Variants in RANBP17 observed in about 807,000 individuals in gnomAD.
RANBP17 encodes RAN binding protein 17, also known as ran-binding protein 17.
In RANBP17, 158 loss-of-function variants were observed where a neutral mutation model predicts 141.2. That is an observed-to-expected ratio of 1.12 (90% CI 0.98 to 1.28). The LOEUF (loss-of-function observed/expected upper bound fraction) is 1.28, where lower values mean the gene tolerates loss of function less well. Ranked by LOEUF, RANBP17 falls within the 50% of genes most tolerant of loss-of-function variation. RANBP17 has a pLI of 0.00. For missense variants in RANBP17, 1,438 were observed against 1,290.7 expected (o/e 1.11, Z -1.75); for synonymous variants, 430 against 450.0 (o/e 0.96, Z 0.56).
chr5:171,192,261 G>GC (rs778573669), intron 18 of RANBP17, among the ~76,000 whole-genome samples: 2 of 152,142 alleles, frequency 1.3e-5, no homozygotes, highest in African/African-American at 2.4e-5. Flanking sequence ...GGGTAAAGAA[G>GC]CAGCTGGAAA....
chr5:170,862,668 G>A (rs953823493), intron 1 of RANBP17, among the ~76,000 whole-genome samples: 10 of 152,166 alleles, frequency 6.6e-5, no homozygotes, highest in African/African-American at 2.2e-4. Context: ...GGCCGGGCGC[G>A]GGCGCGGGCG....
intron 5 of RANBP17, among the ~76,000 whole-genome samples, chr5:170,898,555 C>T (rs1770338203): frequency 6.6e-6 from 1 of 152,102 alleles, no homozygotes; most frequent in African/African-American, 2.4e-5. Context: ...TCAATTTTGG[C>T]TTTTGTTGCC....
intron 14 of RANBP17, among the ~76,000 whole-genome samples, chr5:171,082,110 G>A (rs1034944961): frequency 2.6e-5 from 4 of 152,086 alleles, no homozygotes; most frequent in African/African-American, 9.7e-5. Flanking sequence ...CCTTAAAGCA[G>A]ATATTTTTCT....
chr5:171,187,839 G>T (rs1761374306), intron 18 of RANBP17, among the ~76,000 whole-genome samples: 1 of 152,136 alleles, frequency 6.6e-6, no homozygotes, highest in Admixed American at 6.5e-5. Context: ...ACATGAGAGG[G>T]TTCAGTCAGT....
intron 12 of RANBP17, among the ~76,000 whole-genome samples, chr5:170,930,691 C>T (rs1248395929): frequency 6.6e-6 from 1 of 151,992 alleles, no homozygotes; most frequent in Non-Finnish European, 1.5e-5. Context: ...ATAGTTTGCT[C>T]AGAATGATGG....
At chr5:171,016,800 A>G (rs1477370806) in intron 14 of RANBP17, among the ~76,000 whole-genome samples, 3 of 151,514 alleles carry the variant, frequency 2.0e-5, no homozygotes, top group Non-Finnish European at 4.4e-5. Flanking sequence ...TAAAAAAAAA[A>G]GCGGGATACA....
chr5:171,105,734 A>T lies in RANBP17; in HGVS notation c.1711-64396A>T, dbSNP rs527586959. ...ACTTGTCTCAAAAAGAAAAAAAAAA[A>T]TTTATTCTATCTTATATCTTTGACT... On this transcript the variant is annotated intron_variant, in intron 14 of 27. Transcript: ENST00000523189. 2.8e-3 allele frequency among the ~76,000 whole-genome samples: 416 copies of T among 151,216 alleles called. 2 individuals carry two copies. Among genetic ancestry groups the T allele is most frequent in the African/African-American group, 8.9e-3 (369 of 41,240 alleles).
At chr5:171,092,481 G>A (rs1786369313) in intron 14 of RANBP17, among the ~76,000 whole-genome samples, 1 of 152,148 alleles carries the variant, frequency 6.6e-6, no homozygotes, top group Non-Finnish European at 1.5e-5. Flanking sequence ...AAGACAAAGA[G>A]GATCTACTGA....
At chr5:170,998,748 T>C (rs1431149403) in intron 14 of RANBP17, among the ~76,000 whole-genome samples, 1 of 152,156 alleles carries the variant, frequency 6.6e-6, no homozygotes. Context: ...AATTACAAAA[T>C]ACATATTAGA....
chr5:171,139,955 C>T (rs1389752375), intron 14 of RANBP17, among the ~76,000 whole-genome samples: 1 of 152,184 alleles, frequency 6.6e-6, no homozygotes, highest in Non-Finnish European at 1.5e-5. Context: ...TCTAGCCAGC[C>T]CACTGGTCTT....
chr5:171,254,246 C>CAA (rs36093805), intron 24 of RANBP17, among the ~76,000 whole-genome samples: 100 of 115,056 alleles, frequency 8.7e-4, no homozygotes, highest in East Asian at 8.3e-3. Flanking sequence ...GACTCTGTCT[C>CAA]AAAAAAAAAA....
intron 5 of RANBP17, among the ~76,000 whole-genome samples, chr5:170,902,491 T>C (rs1770725780): frequency 6.6e-6 from 1 of 152,204 alleles, no homozygotes; most frequent in African/African-American, 2.4e-5. Context: ...CAGAGGAGTT[T>C]ATTACCCACC....
At chr5:171,167,688 C>T (rs1398603267) in intron 14 of RANBP17, among the ~76,000 whole-genome samples, 2 of 152,082 alleles carry the variant, frequency 1.3e-5, no homozygotes, top group African/African-American at 2.4e-5. Context: ...GTTAAGGGCA[C>T]ACAGTCTCTG....
At chr5:171,049,087 A>G (rs1782783903) in intron 14 of RANBP17, among the ~76,000 whole-genome samples, 1 of 152,198 alleles carries the variant, frequency 6.6e-6, no homozygotes, top group Non-Finnish European at 1.5e-5. Context: ...ACTAATTTAC[A>G]TTCCCAAGAG....
chr5:171,250,694 T>C (rs1765502281), intron 24 of RANBP17, among the ~76,000 whole-genome samples: 1 of 152,116 alleles, frequency 6.6e-6, no homozygotes. Context: ...ATAGCTACCC[T>C]TGTATCAGAT....
chr5:171,089,034 G>A (rs936376925), intron 14 of RANBP17, among the ~76,000 whole-genome samples: 1 of 151,564 alleles, frequency 6.6e-6, no homozygotes, highest in Non-Finnish European at 1.5e-5. Context: ...AGGAGGAGAG[G>A]TGCTCTGCGT....
At chr5:170,941,264 G>C (rs557167207) in intron 12 of RANBP17, among the ~76,000 whole-genome samples, 2 of 152,008 alleles carry the variant, frequency 1.3e-5, no homozygotes, top group East Asian at 3.9e-4. Context: ...AGAAATTAAT[G>C]AACTAAAAAA....
intron 26 of RANBP17, among the ~76,000 whole-genome samples, chr5:171,294,302 C>T (rs1423601315): frequency 6.6e-6 from 1 of 152,192 alleles, no homozygotes; most frequent in Non-Finnish European, 1.5e-5. Context: ...TGAGCAACAA[C>T]CCTTTTTGCC....
At position 171,183,248 on chromosome 5, in the gene RANBP17, A is replaced by C. The variant is rs760631925; in HGVS notation, c.1929+18A>C. ...ACCACACGGTAAGTCTTATTTCTTT[A>C]ATTAATGAATAACATTTTACGAATA... On this transcript the variant is annotated intron_variant, in intron 17 of 27. Transcript: ENST00000523189. 3 of 1,589,516 alleles carry C rather than the reference A, an allele frequency of 1.9e-6. No individual in the cohort carries two copies. The highest frequency in any genetic ancestry group is 2.6e-6 in the Non-Finnish European group (3 of 1,157,658).
Sources: allele counts gnomAD v4.1 joint callset (sites outside exome capture counted in the v4.1 genomes callset), GRCh38; gene constraint gnomAD v4.1.1; transcripts MANE v1.5; gene names NCBI Gene and HGNC (gene_info 2026-07-23, HGNC 2026-07-21).